The following RYR3 variants were observed in gnomAD, a reference collection of about 807,000 sequenced individuals.
The protein encoded by RYR3 is ryanodine receptor 3.
In RYR3, 207 loss-of-function variants were observed where a neutral mutation model predicts 584.3. The observed-to-expected ratio is 0.35, with a 90% CI of 0.32 to 0.40. The LOEUF (loss-of-function observed/expected upper bound fraction) is 0.40, where lower values mean the gene tolerates loss of function less well. Among genes scored for constraint, RYR3 ranks in the 10% least tolerant of loss-of-function variants. RYR3 has a pLI of 1.00. For synonymous variants in RYR3, 2,416 were observed against 2,248.5 expected (o/e 1.07, Z -2.11); for missense variants, 5,616 against 6,089.2 (o/e 0.92, Z 2.59).
chr15:33,625,180 G>A (rs562106169), intron 20 of RYR3, among the ~76,000 whole-genome samples: 2 of 152,268 alleles, frequency 1.3e-5, no homozygotes, highest in South Asian at 4.2e-4. Context: ...GAGCGAATGG[G>A]AAGTGCCACA....
intron 18 of RYR3, among the ~76,000 whole-genome samples, chr15:33,605,328 A>C (rs771691510): frequency 5.3e-5 from 8 of 152,160 alleles, no homozygotes; most frequent in Admixed American, 5.2e-4. Context: ...ATTGTGTATC[A>C]TTCCAGGAGT....
At chr15:33,738,417 C>T (rs377605981) in intron 49 of RYR3, 33 bp from the exon 50 acceptor site, 24 of 1,587,434 alleles carry the variant, frequency 1.5e-5, no homozygotes, top group Non-Finnish European at 2.0e-5. Context: ...CTCTATGCCA[C>T]CCCGCTGGTC....
chr15:33,644,188 C>T lies in RYR3; in HGVS notation c.3557-123C>T, dbSNP rs541126370. ...GTGCCAGGAAGAAAGAAAGAAAGAA[C>T]GGGTTGTGTCACATCTTTCCTACTG... On this transcript the variant is annotated intron_variant, in intron 27 of 103. Coordinates refer to ENST00000634891, the MANE Select transcript of RYR3 (RefSeq NM_001036.6). The T allele has an allele frequency of 1.3e-4, 93 of 696,786 alleles. 1 individual carries two copies. In the Middle Eastern group the frequency reaches 2.8e-3, roughly 21 times the overall value. The allele number at this position is 696,786 out of a possible 1,614,324, so 43.2% of individuals were successfully genotyped here.
chr15:33,525,023 A>T (rs1257437315), intron 3 of RYR3, among the ~76,000 whole-genome samples: 1 of 152,210 alleles, frequency 6.6e-6, no homozygotes, highest in Non-Finnish European at 1.5e-5. Flanking sequence ...GATAAATATT[A>T]GGTCTGTGAA....
intron 36 of RYR3, among the ~76,000 whole-genome samples, chr15:33,668,188 G>A (rs867054065): frequency 4.6e-5 from 7 of 151,786 alleles, no homozygotes; most frequent in Admixed American, 2.0e-4. Context: ...GTGTTGGCGG[G>A]CGCCTGTGGT....
chr15:33,553,025 G>A (rs1275076239), intron 10 of RYR3, among the ~76,000 whole-genome samples: 1 of 152,152 alleles, frequency 6.6e-6, no homozygotes, highest in Non-Finnish European at 1.5e-5. Flanking sequence ...TTATGTGACA[G>A]AGTAGGTGGC....
chr15:33,344,341 A>G (rs1972180604), intron 1 of RYR3, among the ~76,000 whole-genome samples: 1 of 152,196 alleles, frequency 6.6e-6, no homozygotes, highest in Admixed American at 6.5e-5. Flanking sequence ...CTTCCTAGAC[A>G]ATATTTGCTA....
rs371837423 is a variant in RYR3, at chr15:33,404,772, TATAAG to T, written c.52-68642_52-68638del. On this transcript the variant is annotated intron_variant, in intron 1 of 103. Transcript: ENST00000634891. ...AATGATTTAACTTGTTTTTGAAGAC[TATAAG>T]ATAATTTTTCTTTCCAGACAGAATA... Among the ~76,000 whole-genome samples, 222 of 152,338 alleles carry T rather than the reference TATAAG, an allele frequency of 1.5e-3. 4 individuals are homozygous for T. In the South Asian group the frequency reaches 0.039, roughly 27 times the overall value.
intron 1 of RYR3, among the ~76,000 whole-genome samples, chr15:33,360,044 T>G (rs557154238): frequency 6.6e-6 from 1 of 152,298 alleles, no homozygotes; most frequent in African/African-American, 2.4e-5. Context: ...CTGTCTCTCC[T>G]CTTTAGACTG....
In RYR3 at chr15:33,865,262, CAACTTCCCATGAAAT is replaced by C. The variant is rs780854600; in HGVS notation, c.*39_*53del. On this transcript the variant is annotated 3_prime_UTR_variant, in exon 104 of 104. Coordinates refer to ENST00000634891, the MANE Select transcript of RYR3 (RefSeq NM_001036.6). The stretch of plus-strand genomic sequence containing the variant: ...AAGAAGCGCGACAATTCTGGACAGT[CAACTTCCCATGAAAT>C]AAAGTCCCCTTTTTACAGTTCTGCA... The C allele has an allele frequency of 1.2e-5, 17 of 1,465,758 alleles. 1 individual carries two copies. In the East Asian group the frequency reaches 3.4e-4, roughly 29 times the overall value. 90.8% of individuals were successfully genotyped at this position (1,465,758 alleles called of 1,614,324 possible). A position where few individuals can be genotyped will look rare whatever the true frequency, so the allele number is the denominator to read the frequency against.
intron 86 of RYR3, 36 bp from the exon 87 acceptor site, chr15:33,834,932 T>A (rs565944703): frequency 1.3e-6 from 2 of 1,558,220 alleles, no homozygotes; most frequent in Admixed American, 3.4e-5. Context: ...CAACTTGTGA[T>A]GTTTAAGTGA....
chr15:33,765,682 G>C (rs1297775511), intron 60 of RYR3, among the ~76,000 whole-genome samples: 1 of 148,032 alleles, frequency 6.8e-6, no homozygotes, highest in African/African-American at 2.5e-5. Context: ...GTCTAAAAAC[G>C]CTTTCCCTAG....
intron 57 of RYR3, among the ~76,000 whole-genome samples, chr15:33,753,922 A>G (rs905613941): frequency 2.0e-5 from 3 of 152,212 alleles, no homozygotes; most frequent in Admixed American, 2.0e-4. Context: ...GAGGAAATCA[A>G]GAAGAAAGAT....
At chr15:33,733,888 AC>A in intron 48 of RYR3, among the ~76,000 whole-genome samples, 1 of 152,324 alleles carries the variant, frequency 6.6e-6, no homozygotes, top group East Asian at 1.9e-4. Context: ...TGAACCGAAA[AC>A]TGCTCTGAAA....
At chr15:33,841,018 G>T (rs2078329557) in intron 90 of RYR3, 135 bp downstream of exon 90, 1 of 756,044 alleles carries the variant, frequency 1.3e-6, no homozygotes, top group Admixed American at 2.4e-5. Flanking sequence ...AGGACTTCGA[G>T]ACCATCCTGG....
intron 75 of RYR3, among the ~76,000 whole-genome samples, chr15:33,818,116 C>T (rs752119267): frequency 6.6e-6 from 1 of 152,078 alleles, no homozygotes; most frequent in Non-Finnish European, 1.5e-5. Flanking sequence ...CCCAAAATGG[C>T]CCCACTGCTT....
intron 67 of RYR3, among the ~76,000 whole-genome samples, chr15:33,795,727 C>T (rs2075574384): frequency 6.6e-6 from 1 of 152,068 alleles, no homozygotes; most frequent in African/African-American, 2.4e-5. Context: ...GACAGGGTTT[C>T]ACCATGTTGG....
At chr15:33,572,963 A>G (rs2058111614) in intron 12 of RYR3, among the ~76,000 whole-genome samples, 1 of 152,186 alleles carries the variant, frequency 6.6e-6, no homozygotes, top group Non-Finnish European at 1.5e-5. Context: ...AACAACAGCG[A>G]AATTCTGTCT....
chr15:33,620,476 T>C (rs1027477847), intron 19 of RYR3, among the ~76,000 whole-genome samples: 1 of 152,220 alleles, frequency 6.6e-6, no homozygotes, highest in Non-Finnish European at 1.5e-5. Flanking sequence ...CACTTCACTT[T>C]AGGATGTGAA....
Sources: gnomAD v4.1 joint callset for allele counts (sites outside exome capture counted in the v4.1 genomes callset) on GRCh38, gnomAD v4.1.1 for gene constraint, MANE v1.5 for transcripts, NCBI Gene and HGNC (gene_info 2026-07-23, HGNC 2026-07-21) for gene names.